Variants in PRMT8 observed in about 807,000 individuals in gnomAD.
PRMT8 encodes protein arginine N-methyltransferase 8.
Under a neutral mutation model 47.1 loss-of-function variants are expected in PRMT8, and 7 were observed. That is an observed-to-expected ratio of 0.15 (90% CI 0.08 to 0.28). The LOEUF is 0.28. Ranked by LOEUF, PRMT8 falls within the 10% of genes least tolerant of loss-of-function variation. The probability of loss-of-function intolerance (pLI) is 1.00; values close to 1 mark genes in which losing one functional copy is unlikely to be tolerated. For synonymous variants in PRMT8, 188 were observed against 186.5 expected, an observed-to-expected ratio of 1.01 and a Z score of -0.07; for missense variants, 237 against 505.4, an observed-to-expected ratio of 0.47 and a Z score of 5.09.
chr12:3,574,941 T>C (rs1591610947), intron 6 of PRMT8, among the ~76,000 whole-genome samples: 1 of 152,214 alleles, frequency 6.6e-6, no homozygotes, highest in South Asian at 2.1e-4. Flanking sequence ...TGTTTTGGCG[T>C]GTACGTTTTA....
chr12:3,582,271 G>A (rs16930578), intron 7 of PRMT8, among the ~76,000 whole-genome samples: 18,181 of 152,142 alleles, frequency 0.12, 1,122 homozygotes, highest in Non-Finnish European at 0.13. Context: ...TGCTCCCCAT[G>A]CGAGATTGAT....
chr12:3,558,948 G>GGCTATCTATCTACCTATCTATCTA (rs1276847106), intron 4 of PRMT8, among the ~76,000 whole-genome samples: 5 of 112,636 alleles, frequency 4.4e-5, no homozygotes, highest in East Asian at 2.9e-4. Flanking sequence ...ACATTTATCT[G>GGCTATCTATCTACCTATCTATCTA]TCTATCTATC....
intron 6 of PRMT8, among the ~76,000 whole-genome samples, chr12:3,575,310 G>A (rs1866918447): frequency 6.6e-6 from 1 of 152,190 alleles, no homozygotes; most frequent in African/African-American, 2.4e-5. Flanking sequence ...CTAAGGTCCT[G>A]TTTGTTTGGT....
chr12:3,521,171 G>C (rs1865874056), intron 1 of PRMT8, among the ~76,000 whole-genome samples: 1 of 152,216 alleles, frequency 6.6e-6, no homozygotes, highest in Admixed American at 6.5e-5. Context: ...GGTGCTCCCT[G>C]ATGGGAGAGA....
chr12:3,463,779 G>A (rs1865063031), intron 1 of PRMT8, among the ~76,000 whole-genome samples: 1 of 152,184 alleles, frequency 6.6e-6, no homozygotes, highest in African/African-American at 2.4e-5. Context: ...CAATGATTAA[G>A]AGGGAGAATA....
chr12:3,470,720 G>A (rs1487973046), intron 1 of PRMT8, among the ~76,000 whole-genome samples: 1 of 152,158 alleles, frequency 6.6e-6, no homozygotes, highest in African/African-American at 2.4e-5. Flanking sequence ...CCTCAGGGAT[G>A]GAGGGACAGA....
At chr12:3,473,992 G>A (rs953249015) in intron 1 of PRMT8, among the ~76,000 whole-genome samples, 1 of 152,116 alleles carries the variant, frequency 6.6e-6, no homozygotes, top group Non-Finnish European at 1.5e-5. Flanking sequence ...CCTTGCTGGG[G>A]TTAACACAAT....
chr12:3,427,131 A>G (rs1268610801), intron 1 of PRMT8, among the ~76,000 whole-genome samples: 2 of 152,178 alleles, frequency 1.3e-5, no homozygotes, highest in Non-Finnish European at 2.9e-5. Flanking sequence ...AAGAAAGCCA[A>G]ACACCATTTT....
chr12:3,525,290 G>C (rs1865936546), intron 1 of PRMT8, among the ~76,000 whole-genome samples: 1 of 152,168 alleles, frequency 6.6e-6, no homozygotes, highest in Non-Finnish European at 1.5e-5. Flanking sequence ...GAAACCCTTA[G>C]TTTGTGGGTG....
chr12:3,509,362 A>G (rs560057529), intron 1 of PRMT8, among the ~76,000 whole-genome samples: 1 of 152,094 alleles, frequency 6.6e-6, no homozygotes, highest in East Asian at 1.9e-4. Context: ...GCTTCTTCCA[A>G]GAAGGCTTTC....
At chr12:3,509,955 T>C (rs138919234) in intron 1 of PRMT8, among the ~76,000 whole-genome samples, 85 of 152,356 alleles carry the variant, frequency 5.6e-4, no homozygotes, top group African/African-American at 2.0e-3. Flanking sequence ...GGGCTTTGCC[T>C]GAGACAATCA....
At chr12:3,439,434 C>T (rs1864776235) in intron 1 of PRMT8, among the ~76,000 whole-genome samples, 1 of 152,166 alleles carries the variant, frequency 6.6e-6, no homozygotes, top group East Asian at 1.9e-4. Flanking sequence ...AGACACCTGG[C>T]TCTATTGTCT....
chr12:3,539,054 T>G (rs1866173561), intron 1 of PRMT8, among the ~76,000 whole-genome samples: 1 of 152,200 alleles, frequency 6.6e-6, no homozygotes, highest in Non-Finnish European at 1.5e-5. Flanking sequence ...TTTCTTGATC[T>G]TGCTGTGTCC....
rs1038658987 is a variant in PRMT8 at position 3,456,170 on chromosome 12, G to A, written c.48+74728G>A. ...TCTTCCTCACTTAAACCACATTTCCGATGACCACATCCAAGTACGCCAGCG... is the reference window on the plus strand; with the variant it reads ...TCTTCCTCACTTAAACCACATTTCCAATGACCACATCCAAGTACGCCAGCG... On this transcript the variant is annotated intron_variant, in intron 1 of 9. Transcript: ENST00000452611. This position sits in a 1 kb window ranked among gnomAD's most constrained non-coding sequence, Gnocchi z 4.2. 6.6e-6 allele frequency among the ~76,000 whole-genome samples: 1 copy of A among 152,116 alleles called. No individual in the cohort carries two copies. Among genetic ancestry groups the A allele is most frequent in the Non-Finnish European group, 1.5e-5 (1 of 68,014 alleles).
Position 3,593,646 on chromosome 12 carries a change from C to T in PRMT8, c.*464C>T. 1 of 191,222 alleles carries T rather than the reference C, an allele frequency of 5.2e-6. No individual in the cohort carries two copies. 11.8% of individuals were successfully genotyped at this position (191,222 alleles called of 1,614,324 possible). A position where few individuals can be genotyped will look rare whatever the true frequency, so the allele number is the denominator to read the frequency against. ...TGCGTGCATGTGTGAATGTGAGCAG[C>T]ATAGTTGATATTTACCCACAAACAC... On this transcript the variant is annotated 3_prime_UTR_variant, in exon 10 of 10. Coordinates refer to ENST00000382622, the MANE Select transcript of PRMT8 (RefSeq NM_019854.5). The surrounding 1 kb of genome is among the most constrained non-coding windows in gnomAD (Gnocchi z 4.8).
intron 1 of PRMT8, among the ~76,000 whole-genome samples, chr12:3,454,584 T>C (rs535194190): frequency 2.6e-5 from 4 of 152,102 alleles, no homozygotes; most frequent in Admixed American, 2.6e-4. Context: ...AAGAGCGGCA[T>C]GTGGCATTTC....
intron 1 of PRMT8, among the ~76,000 whole-genome samples, chr12:3,437,622 C>CTA (rs57504454): frequency 0.064 from 9,164 of 142,510 alleles, 310 homozygotes; most frequent in Middle Eastern, 0.12. Context: ...TGCATTCAGG[C>CTA]TATATATATA....
At chr12:3,462,734 G>T (rs1287719005) in intron 1 of PRMT8, 1 of 151,984 alleles carries the variant, frequency 6.6e-6, no homozygotes, top group Non-Finnish European at 1.5e-5. Context: ...AGCCAAGGAA[G>T]TTGAAGTGCT....
intron 1 of PRMT8, among the ~76,000 whole-genome samples, chr12:3,457,242 G>A (rs1176069046): frequency 6.6e-6 from 1 of 152,152 alleles, no homozygotes; most frequent in Non-Finnish European, 1.5e-5. Flanking sequence ...TAGGCTGCCA[G>A]GCTTAGCCAC....
Sources: allele counts gnomAD v4.1 joint callset (sites outside exome capture counted in the v4.1 genomes callset), GRCh38; gene constraint gnomAD v4.1.1; non-coding constraint Gnocchi (gnomAD v3.1); transcripts MANE v1.5; gene names NCBI Gene and HGNC (gene_info 2026-07-23, HGNC 2026-07-21).